Variants in OR51B5 observed in about 807,000 individuals in gnomAD.
The protein encoded by OR51B5 is olfactory receptor family 51 subfamily B member 5.
For missense variants in OR51B5, 456 were observed against 374.6 expected (o/e 1.22, Z -1.79); for synonymous variants, 186 against 144.8 (o/e 1.28, Z -2.04).
rs183300513 is a variant in OR51B5 at position 5,350,089 on chromosome 11, G to A, written n.85-3179C>T. On this transcript the variant is annotated intron_variant and non_coding_transcript_variant, in intron 1 of 4. Coordinates refer to the OR51B5 transcript ENST00000415970. ...CATGTACTCACTAGAGAAAGAGAAA[G>A]GAGGTACTTCTCTGAAACAATAACA... Among the ~76,000 whole-genome samples, 434 of 152,228 alleles carry A rather than the reference G, an allele frequency of 2.9e-3. 1 individual carries two copies. Among genetic ancestry groups the A allele is most frequent in the African/African-American group, 9.9e-3 (410 of 41,530 alleles).
At chr11:5,452,482 G>A (rs1020458857) in intron 1 of OR51B5, among the ~76,000 whole-genome samples, 2 of 113,064 alleles carry the variant, frequency 1.8e-5, no homozygotes, top group African/African-American at 3.4e-5. Flanking sequence ...TCCAGCCTGG[G>A]CAAAAGAGAG....
intron 1 of OR51B5, chr11:5,431,070 G>A (rs1469936683): frequency 8.9e-6 from 4 of 450,352 alleles, no homozygotes; most frequent in Non-Finnish European, 1.3e-5. Flanking sequence ...GGCAGTAGGA[G>A]TGTGAGAGGA....
At chr11:5,352,183 A>G (rs1564916472) in intron 1 of OR51B5, 3 of 1,613,984 alleles carry the variant, frequency 1.9e-6, no homozygotes, top group Non-Finnish European at 2.5e-6. Context: ...TGTCATGGGC[A>G]TTGGTTCTGG....
chr11:5,342,962 G>A (rs201564679), exon 1 of OR51B5: 3 of 1,613,572 alleles, frequency 1.9e-6, no homozygotes, highest in Non-Finnish European at 2.5e-6. Context: ...GGTGGTATCA[G>A]CACAGGCGAG....
intron 1 of OR51B5, among the ~76,000 whole-genome samples, chr11:5,473,899 G>A (rs1262197055): frequency 6.6e-6 from 1 of 151,734 alleles, no homozygotes; most frequent in Non-Finnish European, 1.5e-5. Context: ...GCATGAGAAT[G>A]GGGAGAGAGT....
chr11:5,413,733 A>C (rs1850188235), intron 1 of OR51B5, among the ~76,000 whole-genome samples: 1 of 152,154 alleles, frequency 6.6e-6, no homozygotes, highest in African/African-American at 2.4e-5. Context: ...AGTTTAGAGA[A>C]AAAAGAATAA....
At chr11:5,454,882 T>G (rs903982772) in intron 1 of OR51B5, 9 of 154,282 alleles carry the variant, frequency 5.8e-5, no homozygotes, top group African/African-American at 1.9e-4. Flanking sequence ...CAGTTGACAT[T>G]CAACACTAAT....
chr11:5,401,892 C>T lies in OR51B5; in HGVS notation n.85-54982G>A, dbSNP rs796589917. 8.3e-5 allele frequency among the ~76,000 whole-genome samples: 12 copies of T among 144,714 alleles called. No homozygotes were observed. In the East Asian group the frequency reaches 1.2e-3, roughly 15 times the overall value. The allele number at this position is 144,714 out of a possible 152,430, so 94.9% of individuals were successfully genotyped here. A position where few individuals can be genotyped will look rare whatever the true frequency, so the allele number is the denominator to read the frequency against. On this transcript the variant is annotated intron_variant and non_coding_transcript_variant, in intron 1 of 4. Transcript: ENST00000415970. ...TCCTTCCTTCCTTTTCTCTCTCTTCCTTCCTTCCTTTTCTTTCTCTCTCTC... is the reference window on the plus strand; with the variant it reads ...TCCTTCCTTCCTTTTCTCTCTCTTCTTTCCTTCCTTTTCTTTCTCTCTCTC...
chr11:5,372,201 G>A (rs1849458161), intron 1 of OR51B5, among the ~76,000 whole-genome samples: 1 of 152,000 alleles, frequency 6.6e-6, no homozygotes, highest in Admixed American at 6.6e-5. Context: ...TCCATGTCTT[G>A]GCTATTGTGA....
chr11:5,419,359 TG>T lies in OR51B5; in HGVS notation n.85-72450del, dbSNP rs1483475651. 3.3e-5 allele frequency among the ~76,000 whole-genome samples: 5 copies of T among 152,324 alleles called. No homozygotes were observed. In the East Asian group the frequency reaches 9.6e-4, roughly 29 times the overall value. ...ACATAGTGGTAATGTACTTTGGCTT[TG>T]GAATTCAACAGAACTACAGTTGGTC... On this transcript the variant is annotated intron_variant and non_coding_transcript_variant, in intron 1 of 4. Transcript: ENST00000415970.
At chr11:5,496,988 C>T (rs569434478) in intron 1 of OR51B5, among the ~76,000 whole-genome samples, 2 of 151,812 alleles carry the variant, frequency 1.3e-5, no homozygotes, top group South Asian at 4.2e-4. Flanking sequence ...TCATTGGTCT[C>T]CAACCCCATG....
rs1483731520 is a variant in OR51B5, at chr11:5,390,647, T to C, written n.85-43737A>G. ...CAACTTTATTGAAGGTCATCATCAA[T>C]GTAACTAAAACTAAAATGAAACTAA... On this transcript the variant is annotated intron_variant and non_coding_transcript_variant, in intron 1 of 4. Coordinates refer to the OR51B5 transcript ENST00000415970. 60 of 394,408 alleles carry C rather than the reference T, an allele frequency of 1.5e-4. 1 individual carries two copies. The East Asian group carries it at 2.3e-3, about 15-fold the overall frequency. The allele number at this position is 394,408 out of a possible 1,614,324, so 24.4% of individuals were successfully genotyped here.
chr11:5,386,701 A>C (rs1335760466), intron 1 of OR51B5, among the ~76,000 whole-genome samples: 3 of 152,128 alleles, frequency 2.0e-5, no homozygotes, highest in African/African-American at 7.2e-5. Context: ...GTTGAATGAC[A>C]GGTCAGGCAA....
chr11:5,357,404 T>A (rs1415611427), intron 1 of OR51B5, among the ~76,000 whole-genome samples: 3 of 150,804 alleles, frequency 2.0e-5, no homozygotes, highest in African/African-American at 7.3e-5. Flanking sequence ...GGTAAAGGGA[T>A]CAATTCAACA....
In OR51B5 at chr11:5,465,552, A is replaced by C. The variant is rs868115668; in HGVS notation, n.84+40017T>G. Among the ~76,000 whole-genome samples the C allele has an allele frequency of 3.0e-3, 459 of 150,574 alleles. 5 individuals are homozygous for C. The highest frequency in any genetic ancestry group is 0.011 in the African/African-American group (448 of 40,908). ...TGGAGGCATCACACTACCTGACTTC[A>C]AACTATACTACAAGGCTACAGTAAC... On this transcript the variant is annotated intron_variant and non_coding_transcript_variant, in intron 1 of 4. Coordinates refer to the OR51B5 transcript ENST00000415970.
intron 1 of OR51B5, among the ~76,000 whole-genome samples, chr11:5,490,062 A>T (rs532261816): frequency 6.6e-6 from 1 of 152,272 alleles, no homozygotes; most frequent in Admixed American, 6.5e-5. Flanking sequence ...ATATTGACGT[A>T]TTGGTTAAAA....
chr11:5,475,993 C>G (rs890212830), intron 1 of OR51B5, among the ~76,000 whole-genome samples: 3 of 152,160 alleles, frequency 2.0e-5, no homozygotes, highest in Non-Finnish European at 4.4e-5. Context: ...TTAGATGAAA[C>G]TGAATTCCAG....
At chr11:5,475,616 A>G (rs1851293769) in intron 1 of OR51B5, among the ~76,000 whole-genome samples, 1 of 152,214 alleles carries the variant, frequency 6.6e-6, no homozygotes, top group South Asian at 2.1e-4. Context: ...AACATCTTGC[A>G]GAGTTATGAT....
At chr11:5,465,069 A>G (rs1851117466) in intron 1 of OR51B5, among the ~76,000 whole-genome samples, 2 of 150,966 alleles carry the variant, frequency 1.3e-5, no homozygotes, top group Non-Finnish European at 3.0e-5. Context: ...GTCCGGGCGT[A>G]GTGGCGGGCG....
Sources: gnomAD v4.1 joint callset for allele counts (sites outside exome capture counted in the v4.1 genomes callset) on GRCh38, gnomAD v4.1.1 for gene constraint, MANE v1.5 for transcripts, NCBI Gene and HGNC (gene_info 2026-07-23, HGNC 2026-07-21) for gene names.